The following RASEF variants were observed in gnomAD, a reference collection of about 807,000 sequenced individuals.
RASEF encodes ras and EF-hand domain-containing protein.
Under a neutral mutation model 90.1 loss-of-function variants are expected in RASEF, and 68 were observed. The ratio of observed to expected loss-of-function variants is 0.75; its 90% CI spans 0.62 to 0.92. RASEF has a LOEUF of 0.92. Ranked by LOEUF, RASEF falls within the 40% of genes least tolerant of loss-of-function variation. RASEF has a pLI of 0.00. For synonymous variants in RASEF, 331 were observed against 345.2 expected (o/e 0.96, Z 0.46); for missense variants, 949 against 937.2 (o/e 1.01, Z -0.16).
chr9:83,036,502 T>G (rs1451885688), intron 1 of RASEF, among the ~76,000 whole-genome samples: 2 of 152,250 alleles, frequency 1.3e-5, no homozygotes, highest in East Asian at 3.8e-4. Flanking sequence ...TGAGTTGACC[T>G]TTTTTATATG....
chr9:83,123,870 C>T, the RASEF span, among the ~76,000 whole-genome samples: 4 of 152,246 alleles, frequency 2.6e-5, no homozygotes, highest in Non-Finnish European at 5.9e-5. Context: ...GCATTAAGTG[C>T]AATCACACTG....
the RASEF span, among the ~76,000 whole-genome samples, chr9:83,081,316 G>A: frequency 1.3e-5 from 2 of 152,186 alleles, no homozygotes; most frequent in African/African-American, 4.8e-5. Context: ...ATTTTAGTTA[G>A]AAAACATATT....
At chr9:83,169,674 A>C in the RASEF span, among the ~76,000 whole-genome samples, 1 of 151,806 alleles carries the variant, frequency 6.6e-6, no homozygotes, top group Non-Finnish European at 1.5e-5. Flanking sequence ...TGTGGTTTTG[A>C]TTTGCATCTC....
the RASEF span, among the ~76,000 whole-genome samples, chr9:83,179,425 C>T: frequency 6.6e-6 from 1 of 152,154 alleles, no homozygotes; most frequent in Non-Finnish European, 1.5e-5. Context: ...TGTTTCCTTC[C>T]TGAGTACCCT....
chr9:83,119,246 T>C, the RASEF span, among the ~76,000 whole-genome samples: 1 of 151,062 alleles, frequency 6.6e-6, no homozygotes, highest in African/African-American at 2.4e-5. Flanking sequence ...CTCAAACTCC[T>C]GACCCCAAGT....
the RASEF span, among the ~76,000 whole-genome samples, chr9:83,098,557 T>G: frequency 6.6e-6 from 1 of 152,164 alleles, no homozygotes; most frequent in South Asian, 2.1e-4. Context: ...AAGTGCCTAA[T>G]TGCAACTAAG....
chr9:83,035,611 A>G lies in RASEF; in HGVS notation c.432-9690T>C, dbSNP rs75885942. On this transcript the variant is annotated intron_variant, in intron 1 of 16. Coordinates refer to ENST00000376447, the MANE Select transcript of RASEF (RefSeq NM_152573.4). ...TTTAAGAGCACTTGCCTTGCAGTGC[A>G]CATTTGCTCTCCCCGTATTTCTCTT... Among the ~76,000 whole-genome samples, 1,027 of 152,336 alleles carry G rather than the reference A, an allele frequency of 6.7e-3. 9 individuals carry two copies. The highest frequency in any genetic ancestry group is 0.024 in the African/African-American group (988 of 41,576).
At chr9:83,028,090 G>A (rs1202572791) in intron 1 of RASEF, among the ~76,000 whole-genome samples, 3 of 152,158 alleles carry the variant, frequency 2.0e-5, no homozygotes, top group East Asian at 1.9e-4. Context: ...AATTCTTTGG[G>A]CATGAGATGA....
At chr9:83,210,875 G>C in the RASEF span, among the ~76,000 whole-genome samples, 1 of 152,172 alleles carries the variant, frequency 6.6e-6, no homozygotes, top group African/African-American at 2.4e-5. Context: ...AAACGAAGCT[G>C]GTCAGTCACC....
At chr9:83,061,437 T>C (rs1483316392) in intron 1 of RASEF, among the ~76,000 whole-genome samples, 1 of 152,218 alleles carries the variant, frequency 6.6e-6, no homozygotes. Context: ...CAGAGCGTCT[T>C]AATAACGACA....
the RASEF span, among the ~76,000 whole-genome samples, chr9:83,135,505 A>T: frequency 2.0e-5 from 3 of 152,180 alleles, no homozygotes; most frequent in Non-Finnish European, 4.4e-5. Flanking sequence ...TAAAAAATAA[A>T]TAAATAAATA....
At chr9:83,088,501 T>G in the RASEF span, among the ~76,000 whole-genome samples, 376 of 152,144 alleles carry the variant, frequency 2.5e-3, 3 homozygotes, top group African/African-American at 8.6e-3. Context: ...TTCTACCCAT[T>G]ATTGATAGTG....
At chr9:83,034,909 T>C (rs1407170032) in intron 1 of RASEF, among the ~76,000 whole-genome samples, 2 of 152,202 alleles carry the variant, frequency 1.3e-5, no homozygotes, top group Non-Finnish European at 2.9e-5. Flanking sequence ...ACAATGTTGG[T>C]AATCAGTAAG....
At chr9:82,990,653 G>C (rs918665764) in intron 15 of RASEF, among the ~76,000 whole-genome samples, 186 bp from the exon 16 acceptor site, 1 of 152,118 alleles carries the variant, frequency 6.6e-6, no homozygotes, top group Non-Finnish European at 1.5e-5. Context: ...GTTACTCCAG[G>C]AAAAGTTCCT....
At chr9:83,056,359 T>C (rs7030604) in intron 1 of RASEF, among the ~76,000 whole-genome samples, 3,490 of 152,288 alleles carry the variant, frequency 0.023, 126 homozygotes, top group African/African-American at 0.079. Context: ...TACAGTCAGG[T>C]GAGGCAGCCC....
At chr9:83,018,016 A>G (rs1440079285) in intron 3 of RASEF, among the ~76,000 whole-genome samples, 1 of 152,176 alleles carries the variant, frequency 6.6e-6, no homozygotes, top group Non-Finnish European at 1.5e-5. Context: ...AGCAACAACA[A>G]TAATACTCAG....
the RASEF span, among the ~76,000 whole-genome samples, chr9:83,072,975 C>T: frequency 6.6e-6 from 1 of 152,194 alleles, no homozygotes; most frequent in Non-Finnish European, 1.5e-5. Context: ...GAGGAAAACA[C>T]TAAGCATCAG....
At chr9:83,086,980 G>C in the RASEF span, among the ~76,000 whole-genome samples, 2 of 152,098 alleles carry the variant, frequency 1.3e-5, no homozygotes, top group Admixed American at 6.5e-5. Context: ...CAGGAGTTGG[G>C]GATCATTGGG....
the RASEF span, among the ~76,000 whole-genome samples, chr9:83,139,457 G>T: frequency 2.5e-3 from 387 of 152,284 alleles, 1 homozygote; most frequent in African/African-American, 9.0e-3. Context: ...TATTTTGTAT[G>T]TTATAGGTAT....
Sources: allele counts gnomAD v4.1 joint callset (sites outside exome capture counted in the v4.1 genomes callset), GRCh38; gene constraint gnomAD v4.1.1; transcripts MANE v1.5; gene names NCBI Gene and HGNC (gene_info 2026-07-23, HGNC 2026-07-21).